The following NIM1K variants were observed in gnomAD, a reference collection of about 807,000 sequenced individuals.
The protein encoded by NIM1K is NIM1 serine/threonine protein kinase.
In NIM1K, 35 loss-of-function variants were observed where a neutral mutation model predicts 37.1. The ratio of observed to expected loss-of-function variants is 0.94; its 90% CI spans 0.72 to 1.25. The LOEUF is 1.25. NIM1K is among the 50% of genes most tolerant of loss of function. The pLI, the probability that NIM1K is intolerant of heterozygous loss-of-function variation, is 0.00. For synonymous variants in NIM1K, 234 were observed against 206.6 expected, an observed-to-expected ratio of 1.13 and a Z score of -1.14; for missense variants, 564 against 548.0, an observed-to-expected ratio of 1.03 and a Z score of -0.29.
chr5:43,275,046 C>T (rs545814813), intron 2 of NIM1K, among the ~76,000 whole-genome samples: 41 of 152,056 alleles, frequency 2.7e-4, no homozygotes, highest in Admixed American at 4.6e-4. Context: ...TAATCATTTT[C>T]GTTATACAGT....
chr5:43,196,822 G>T (rs1751923586), intron 1 of NIM1K, among the ~76,000 whole-genome samples: 3 of 151,772 alleles, frequency 2.0e-5, no homozygotes, highest in Admixed American at 2.0e-4. Context: ...GCCCAGGGTA[G>T]AGTACAGTGG....
At chr5:43,279,754 A>C (rs768362174) in intron 3 of NIM1K, among the ~76,000 whole-genome samples, 43 of 152,254 alleles carry the variant, frequency 2.8e-4, no homozygotes, top group Non-Finnish European at 6.0e-4. Flanking sequence ...TGTGTGGAAC[A>C]GACTCCAACC....
At chr5:43,196,377 C>T (rs1303486103) in intron 1 of NIM1K, among the ~76,000 whole-genome samples, 2 of 151,872 alleles carry the variant, frequency 1.3e-5, no homozygotes, top group Non-Finnish European at 2.9e-5. Flanking sequence ...GCCTGTAATC[C>T]CAGCACTTTG....
intron 1 of NIM1K, among the ~76,000 whole-genome samples, chr5:43,229,693 G>A (rs1752510643): frequency 6.9e-6 from 1 of 144,342 alleles, no homozygotes; most frequent in Admixed American, 7.2e-5. Context: ...CTGGAGTGCA[G>A]TGGCACCATC....
At chr5:43,250,267 T>C (rs1010923539) in intron 2 of NIM1K, among the ~76,000 whole-genome samples, 1 of 152,200 alleles carries the variant, frequency 6.6e-6, no homozygotes, top group African/African-American at 2.4e-5. Flanking sequence ...ATATTATCTA[T>C]ATATGTGTAT....
chr5:43,234,875 T>C (rs912661012), intron 1 of NIM1K, among the ~76,000 whole-genome samples: 1 of 152,080 alleles, frequency 6.6e-6, no homozygotes, highest in African/African-American at 2.4e-5. Flanking sequence ...CCTCACATGA[T>C]CTGCCCACCT....
At chr5:43,278,982 C>T (rs116294651) in intron 3 of NIM1K, among the ~76,000 whole-genome samples, 66 of 152,224 alleles carry the variant, frequency 4.3e-4, no homozygotes, top group African/African-American at 1.4e-3. Context: ...AACAGATGGG[C>T]AAAGAGTCTT....
At chr5:43,228,157 T>C (rs1019681164) in intron 1 of NIM1K, among the ~76,000 whole-genome samples, 1 of 152,154 alleles carries the variant, frequency 6.6e-6, no homozygotes, top group Non-Finnish European at 1.5e-5. Flanking sequence ...GAGACCTTTT[T>C]TTTTTTTGAC....
chr5:43,275,641 A>T (rs914895472), intron 2 of NIM1K, among the ~76,000 whole-genome samples: 1 of 152,250 alleles, frequency 6.6e-6, no homozygotes, highest in African/African-American at 2.4e-5. Flanking sequence ...GAAATAAAAC[A>T]GTTCATGTTG....
intron 1 of NIM1K, among the ~76,000 whole-genome samples, chr5:43,203,346 T>C (rs1752061821): frequency 6.6e-6 from 1 of 152,272 alleles, no homozygotes. Flanking sequence ...TAAATGCAGT[T>C]GTTAACGGAC....
At chr5:43,267,422 C>A (rs547488451) in intron 2 of NIM1K, among the ~76,000 whole-genome samples, 1 of 152,004 alleles carries the variant, frequency 6.6e-6, no homozygotes, top group East Asian at 1.9e-4. Context: ...GTTTTACTAA[C>A]CTTGTGTAAT....
rs1417332050 is a variant in NIM1K, at chr5:43,232,268, A to T, written c.-694-12814A>T. ...ACCATGGCAAGGCTCACATTTCATCATCTGGTTGGCAGGCTGAAAGCAAGC... is the reference window on the plus strand; with the variant it reads ...ACCATGGCAAGGCTCACATTTCATCTTCTGGTTGGCAGGCTGAAAGCAAGC... On this transcript the variant is annotated intron_variant, in intron 1 of 3. Transcript: ENST00000326035. 10 of 1,104,780 alleles carry T rather than the reference A, an allele frequency of 9.1e-6. No homozygotes were observed. In the South Asian group the frequency reaches 9.9e-5, roughly 11 times the overall value. The allele number at this position is 1,104,780 out of a possible 1,614,324, so 68.4% of individuals were successfully genotyped here.
rs144982831 is a variant in NIM1K at position 43,194,170 on chromosome 5, G to A, written c.-695+1759G>A. Among the ~76,000 whole-genome samples the A allele has an allele frequency of 3.9e-4, 60 of 152,240 alleles. No individual in the cohort carries two copies. The South Asian group carries it at 4.8e-3, about 12-fold the overall frequency. The stretch of plus-strand genomic sequence containing the variant: ...GGGTGTTAGATGTTCCACGAATCCT[G>A]GCCTGAGCCCAGATCGCCCTCGCCA... On this transcript the variant is annotated intron_variant, in intron 1 of 3. Transcript: ENST00000326035.
chr5:43,220,935 C>T (rs924678752), intron 1 of NIM1K, among the ~76,000 whole-genome samples: 5 of 152,052 alleles, frequency 3.3e-5, no homozygotes, highest in Admixed American at 6.6e-5. Flanking sequence ...TGATAAGTCC[C>T]GAGAGTGCAG....
intron 1 of NIM1K, among the ~76,000 whole-genome samples, chr5:43,230,157 G>A (rs1024038972): frequency 3.3e-5 from 5 of 151,884 alleles, no homozygotes; most frequent in Admixed American, 6.6e-5. Context: ...AACAATAAAG[G>A]CTTAAAGAAG....
rs906138820 is a variant in NIM1K at position 43,245,960 on chromosome 5, T to C, written c.185T>C (p.Val62Ala). ...TQDMSQDEKV[V>A]REITLGKRIG... ...GACATGTCCCAGGATGAGAAGGTGG[T>C]GAGGGAGATCACGCTGGGGAAACGG... The change falls in exon 2 of 4, where the codon GTG becomes GCG. Residue 62 changes from valine (V) to alanine (A), a missense_variant. Coordinates refer to ENST00000326035, the MANE Select transcript of NIM1K (RefSeq NM_153361.4). 3 of 1,613,768 alleles carry C rather than the reference T, an allele frequency of 1.9e-6. No homozygotes were observed. The African/African-American group carries it at 4.0e-5, about 22-fold the overall frequency.
At position 43,214,813 on chromosome 5, in the gene NIM1K, C is replaced by T. The variant is rs76186137; in HGVS notation, c.-695+22402C>T. Among the ~76,000 whole-genome samples the T allele has an allele frequency of 2.4e-4, 17 of 71,736 alleles. 1 individual carries two copies. Among genetic ancestry groups the T allele is most frequent in the African/African-American group, 9.4e-4 (17 of 18,106 alleles). The allele number at this position is 71,736 out of a possible 152,430, so 47.1% of individuals were successfully genotyped here. ...CCTGGGCTAGAGCAAGACTCCGTCT[C>T]AAAAAAAAAAAAAAAAAACAAAAAA... On this transcript the variant is annotated intron_variant, in intron 1 of 3. Transcript: ENST00000326035.
intron 1 of NIM1K, among the ~76,000 whole-genome samples, chr5:43,208,299 A>AG (rs892820575): frequency 1.8e-4 from 20 of 110,856 alleles, no homozygotes; most frequent in Admixed American, 8.1e-4. Context: ...CAAAAGAGAG[A>AG]AAAAAAAAGA....
intron 1 of NIM1K, among the ~76,000 whole-genome samples, chr5:43,197,129 A>G (rs1018614897): frequency 6.8e-6 from 1 of 147,230 alleles, no homozygotes; most frequent in Non-Finnish European, 1.5e-5. Context: ...CTATTGACTT[A>G]TTTATTTTTA....
Sources: gnomAD v4.1 joint callset for allele counts (sites outside exome capture counted in the v4.1 genomes callset) on GRCh38, gnomAD v4.1.1 for gene constraint, MANE v1.5 for transcripts, NCBI Gene and HGNC (gene_info 2026-07-23, HGNC 2026-07-21) for gene names.